DAB1: variants seen among roughly 807,000 people sequenced by gnomAD.
DAB1 encodes DAB adaptor protein 1, also known as disabled homolog 1.
DAB1 carries 15 observed loss-of-function variants against 64.6 expected under a neutral mutation model. The observed-to-expected ratio is 0.23, with a 90% confidence interval of 0.16 to 0.36. The LOEUF (loss-of-function observed/expected upper bound fraction) is 0.36. DAB1 is among the 10% of genes least tolerant of loss of function. DAB1 has a pLI of 1.00. For synonymous variants in DAB1, 235 were observed against 251.9 expected, an observed-to-expected ratio of 0.93 and a Z score of 0.64; for missense variants, 596 against 706.7, an observed-to-expected ratio of 0.84 and a Z score of 1.78.
chr1:57,446,409 C>T (rs1044315194), intron 7 of DAB1, among the ~76,000 whole-genome samples: 1 of 151,902 alleles, frequency 6.6e-6, no homozygotes, highest in Non-Finnish European at 1.5e-5. Context: ...ACCAGCCTCA[C>T]CCACACGGAG....
At chr1:58,277,547 C>T (rs1439012858) in intron 4 of DAB1, among the ~76,000 whole-genome samples, 1 of 152,154 alleles carries the variant, frequency 6.6e-6, no homozygotes, top group Admixed American at 6.5e-5. Context: ...AGGTCATGCT[C>T]GGATCCACTT....
intron 1 of DAB1, among the ~76,000 whole-genome samples, chr1:57,383,203 T>C (rs1352654566): frequency 6.6e-6 from 1 of 152,094 alleles, no homozygotes; most frequent in African/African-American, 2.4e-5. Context: ...CATTCGGAAA[T>C]GACAAGTTCA....
intron 3 of DAB1, among the ~76,000 whole-genome samples, chr1:58,431,171 T>C (rs1644866582): frequency 6.6e-6 from 1 of 152,072 alleles, no homozygotes; most frequent in Non-Finnish European, 1.5e-5. Flanking sequence ...TTCCTAAAAA[T>C]GTACCAAAAA....
intron 5 of DAB1, among the ~76,000 whole-genome samples, chr1:58,019,664 G>C (rs1209826371): frequency 6.6e-6 from 1 of 152,136 alleles, no homozygotes; most frequent in African/African-American, 2.4e-5. Flanking sequence ...CATGAAACTA[G>C]TGAGGTCAAT....
At chr1:58,094,173 T>C (rs1307716260) in intron 5 of DAB1, among the ~76,000 whole-genome samples, 1 of 152,136 alleles carries the variant, frequency 6.6e-6, no homozygotes, top group Non-Finnish European at 1.5e-5. Context: ...CACCACCCCA[T>C]TGCTCTGTCC....
intron 1 of DAB1, among the ~76,000 whole-genome samples, chr1:57,394,324 CA>C (rs1158622547): frequency 1.3e-5 from 2 of 152,202 alleles, no homozygotes; most frequent in African/African-American, 4.8e-5. Context: ...TGCTTTCCAA[CA>C]GCAACACAGT....
At chr1:58,380,190 T>C (rs192072829) in intron 3 of DAB1, among the ~76,000 whole-genome samples, 140 of 152,298 alleles carry the variant, frequency 9.2e-4, no homozygotes, top group Non-Finnish European at 4.7e-4. Context: ...AATCCCCACA[T>C]GTTGAAGGAG....
chr1:57,603,000 A>G (rs762645796), intron 7 of DAB1, among the ~76,000 whole-genome samples: 33 of 152,160 alleles, frequency 2.2e-4, no homozygotes, highest in Non-Finnish European at 3.7e-4. Flanking sequence ...GAGGGTGAAC[A>G]TCTTCTGAAT....
At chr1:57,109,230 T>C (rs1655436683) in intron 4 of DAB1, among the ~76,000 whole-genome samples, 1 of 152,196 alleles carries the variant, frequency 6.6e-6, no homozygotes, top group Admixed American at 6.5e-5. Context: ...CAGGGGCAAC[T>C]CACCTCTGAA....
At chr1:57,465,197 C>T (rs1195686534) in intron 7 of DAB1, among the ~76,000 whole-genome samples, 3 of 152,192 alleles carry the variant, frequency 2.0e-5, no homozygotes, top group Non-Finnish European at 4.4e-5. Context: ...TTCAGCCCAG[C>T]AGTCAAAGCT....
intron 7 of DAB1, among the ~76,000 whole-genome samples, chr1:57,631,233 GAAAT>G (rs2101628467): frequency 6.6e-6 from 1 of 152,230 alleles, no homozygotes; most frequent in Non-Finnish European, 1.5e-5. Flanking sequence ...TATCAAATAA[GAAAT>G]AAAGTTATTT....
intron 8 of DAB1, among the ~76,000 whole-genome samples, chr1:57,067,656 T>C (rs1651052112): frequency 6.6e-6 from 1 of 152,096 alleles, no homozygotes; most frequent in African/African-American, 2.4e-5. Context: ...GGTAAAGTGG[T>C]AATTGCAAAA....
chr1:57,122,761 T>C (rs752044106), intron 4 of DAB1, among the ~76,000 whole-genome samples: 2 of 152,160 alleles, frequency 1.3e-5, no homozygotes, highest in Non-Finnish European at 2.9e-5. Flanking sequence ...ACAAAATTAC[T>C]AGAATGAAGA....
At chr1:57,834,517 A>G (rs1652724058) in intron 1 of DAB1, among the ~76,000 whole-genome samples, 1 of 152,168 alleles carries the variant, frequency 6.6e-6, no homozygotes, top group Admixed American at 6.5e-5. Flanking sequence ...GGGATTCAGC[A>G]GTCATTGTTG....
chr1:58,393,837 T>C (rs1214474663), intron 3 of DAB1, among the ~76,000 whole-genome samples: 1 of 152,218 alleles, frequency 6.6e-6, no homozygotes, highest in Non-Finnish European at 1.5e-5. Context: ...AAATAATCCA[T>C]TGTATATTTC....
chr1:57,427,999 C>T (rs955171428), upstream of DAB1, among the ~76,000 whole-genome samples: 6 of 149,580 alleles, frequency 4.0e-5, no homozygotes, highest in Non-Finnish European at 8.9e-5. Context: ...GAAACCCCGT[C>T]TCTACTAAAA....
intron 7 of DAB1, among the ~76,000 whole-genome samples, chr1:57,614,538 T>TA: frequency 6.6e-6 from 1 of 152,366 alleles, no homozygotes; most frequent in East Asian, 1.9e-4. Context: ...CCACAAAAGC[T>TA]AAATTTAATC....
At chr1:58,144,775 CA>C (rs1654498140) in intron 5 of DAB1, among the ~76,000 whole-genome samples, 1 of 152,202 alleles carries the variant, frequency 6.6e-6, no homozygotes, top group Non-Finnish European at 1.5e-5. Context: ...AATGAGAACA[CA>C]AATGTCCTGA....
At chr1:57,430,830 G>T (rs1246042615) in intron 7 of DAB1, among the ~76,000 whole-genome samples, 2 of 151,446 alleles carry the variant, frequency 1.3e-5, no homozygotes, top group South Asian at 2.1e-4. Flanking sequence ...AATAAGAAAG[G>T]TCTATCCTTT....
Sources: allele counts gnomAD v4.1 joint callset (sites outside exome capture counted in the v4.1 genomes callset), GRCh38; gene constraint gnomAD v4.1.1; transcripts MANE v1.5; gene names NCBI Gene and HGNC (gene_info 2026-07-23, HGNC 2026-07-21).